GALNT13: variants seen among roughly 807,000 people sequenced by gnomAD.
The protein encoded by GALNT13 is polypeptide N-acetylgalactosaminyltransferase 13, also known as UDP-GalNAc:polypeptide N-acetylgalactosaminyltransferase 13.
A neutral mutation model predicts 64.2 loss-of-function variants in GALNT13; 28 were observed. That is an observed-to-expected ratio of 0.44 (90% confidence interval 0.32 to 0.60). The LOEUF is 0.60. Among genes scored for constraint, GALNT13 ranks in the 20% least tolerant of loss-of-function variants. GALNT13 has a pLI of 0.05. For missense variants in GALNT13, 577 were observed against 669.8 expected (o/e 0.86, Z 1.53); for synonymous variants, 214 against 224.6 (o/e 0.95, Z 0.42).
chr2:153,499,844 G>T, the GALNT13 span, among the ~76,000 whole-genome samples: 3 of 152,186 alleles, frequency 2.0e-5, no homozygotes, highest in African/African-American at 7.2e-5. Flanking sequence ...GGGGTTAGGG[G>T]GCTTCCCAGT....
chr2:153,123,836 C>T, the GALNT13 span, among the ~76,000 whole-genome samples: 1 of 152,130 alleles, frequency 6.6e-6, no homozygotes, highest in East Asian at 1.9e-4. Context: ...TAAGCAGTGT[C>T]TAAAATTGTT....
chr2:153,974,879 C>G (rs1396951804), intron 3 of GALNT13, among the ~76,000 whole-genome samples: 1 of 151,956 alleles, frequency 6.6e-6, no homozygotes, highest in Non-Finnish European at 1.5e-5. Flanking sequence ...CTCCCTATGT[C>G]TTTGTGATGT....
intron 8 of GALNT13, chr2:154,287,216 G>T: frequency 7.6e-7 from 1 of 1,314,158 alleles, no homozygotes; most frequent in Middle Eastern, 2.3e-4. Context: ...GGTGGAAAAG[G>T]CTGAGCATCA....
chr2:153,202,120 G>A, the GALNT13 span, among the ~76,000 whole-genome samples: 1 of 151,656 alleles, frequency 6.6e-6, no homozygotes, highest in Non-Finnish European at 1.5e-5. Context: ...GAGTAGCTGG[G>A]ACTACAGGCG....
intron 3 of GALNT13, among the ~76,000 whole-genome samples, chr2:154,127,820 A>G (rs1394555669): frequency 2.0e-5 from 3 of 151,342 alleles, no homozygotes; most frequent in East Asian, 1.9e-4. Context: ...TTCTGCATAC[A>G]TATGCAGAAA....
At chr2:154,442,079 A>G (rs1050789446) in intron 12 of GALNT13, among the ~76,000 whole-genome samples, 3 of 152,118 alleles carry the variant, frequency 2.0e-5, no homozygotes, top group African/African-American at 7.2e-5. Flanking sequence ...AATAAGCTAA[A>G]TATACAGTAT....
chr2:154,350,126 A>G (rs569535351), intron 9 of GALNT13, among the ~76,000 whole-genome samples: 1 of 152,338 alleles, frequency 6.6e-6, no homozygotes, highest in Admixed American at 6.5e-5. Flanking sequence ...GCATTCAACA[A>G]ACATCCATTA....
the GALNT13 span, among the ~76,000 whole-genome samples, chr2:153,377,096 G>A: frequency 1.3e-5 from 2 of 152,124 alleles, no homozygotes; most frequent in Non-Finnish European, 2.9e-5. Context: ...CAATGTAACT[G>A]ATGTCCTTAT....
the GALNT13 span, among the ~76,000 whole-genome samples, chr2:153,803,925 G>A: frequency 1.3e-5 from 2 of 151,946 alleles, no homozygotes; most frequent in African/African-American, 2.4e-5. Context: ...TCCAGTCTGC[G>A]GTATTCATTA....
chr2:153,592,996 G>C, the GALNT13 span: 1 of 152,528 alleles, frequency 6.6e-6, no homozygotes, highest in Non-Finnish European at 1.5e-5. Flanking sequence ...AGGGAAGCCA[G>C]AGGAGCAGGG....
At chr2:154,019,858 C>T (rs1697317242) in intron 3 of GALNT13, among the ~76,000 whole-genome samples, 2 of 151,852 alleles carry the variant, frequency 1.3e-5, no homozygotes, top group South Asian at 4.2e-4. Flanking sequence ...CCCCTACCCC[C>T]ACCCCACAAC....
the GALNT13 span, among the ~76,000 whole-genome samples, chr2:153,182,232 G>T: frequency 6.6e-6 from 1 of 151,902 alleles, no homozygotes; most frequent in African/African-American, 2.4e-5. Context: ...TTTTAGTGGA[G>T]ACGGGGTTTC....
the GALNT13 span, among the ~76,000 whole-genome samples, chr2:153,817,046 A>T: frequency 6.6e-6 from 1 of 152,202 alleles, no homozygotes; most frequent in South Asian, 2.1e-4. Flanking sequence ...TTCATCCACC[A>T]TGTAATAAGG....
chr2:153,354,187 A>C, the GALNT13 span: 1 of 152,208 alleles, frequency 6.6e-6, no homozygotes, highest in Non-Finnish European at 1.5e-5. Context: ...ACAGATAAAA[A>C]AATAAGCCCT....
chr2:153,730,821 A>G, the GALNT13 span, among the ~76,000 whole-genome samples: 3 of 152,030 alleles, frequency 2.0e-5, no homozygotes, highest in African/African-American at 7.2e-5. Flanking sequence ...GAAGAAATGT[A>G]AATTAAAACC....
chr2:153,861,257 A>G, the GALNT13 span, among the ~76,000 whole-genome samples: 2 of 152,192 alleles, frequency 1.3e-5, no homozygotes, highest in Non-Finnish European at 2.9e-5. Context: ...TATGTAGTGT[A>G]TACTTATTTT....
At chr2:154,410,526 T>C (rs999992885) in intron 11 of GALNT13, among the ~76,000 whole-genome samples, 11 of 151,896 alleles carry the variant, frequency 7.2e-5, no homozygotes, top group African/African-American at 2.4e-4. Flanking sequence ...GCCATATCTG[T>C]TTTTCTTTTA....
At chr2:153,562,060 C>CTCTCTGTGTGTGTGTGTGTG in the GALNT13 span, among the ~76,000 whole-genome samples, 3 of 118,902 alleles carry the variant, frequency 2.5e-5, no homozygotes, top group African/African-American at 3.8e-5. Flanking sequence ...CTCTCTCTCT[C>CTCTCTGTGTGTGTGTGTGTG]TGTGTGTGTG....
the GALNT13 span, among the ~76,000 whole-genome samples, chr2:153,131,998 G>T: frequency 6.6e-6 from 1 of 152,118 alleles, no homozygotes; most frequent in African/African-American, 2.4e-5. Flanking sequence ...GGTGAGGAAG[G>T]AGCCTTAGTC....
Sources: gnomAD v4.1 joint callset for allele counts (sites outside exome capture counted in the v4.1 genomes callset) on GRCh38, gnomAD v4.1.1 for gene constraint, MANE v1.5 for transcripts, NCBI Gene and HGNC (gene_info 2026-07-23, HGNC 2026-07-21) for gene names.